Variants in TET3 observed in about 807,000 individuals in gnomAD.
TET3 encodes the protein methylcytosine dioxygenase TET3.
A neutral mutation model predicts 141.4 loss-of-function variants in TET3; 19 were observed. That is an observed-to-expected ratio of 0.13 (90% CI 0.09 to 0.20). The LOEUF (loss-of-function observed/expected upper bound fraction) is 0.20, where lower values mean the gene tolerates loss of function less well. TET3 is among the 10% of genes least tolerant of loss of function. The pLI is 1.00. For synonymous variants in TET3, 1,043 were observed against 980.9 expected (o/e 1.06, Z -1.18); for missense variants, 1,874 against 2,356.9 (o/e 0.80, Z 4.24).
chr2:74,073,537 G>A lies in TET3; in HGVS notation c.2495-12G>A. 2 of 1,588,966 alleles carry A rather than the reference G, an allele frequency of 1.3e-6. No individual in the cohort carries two copies. Among genetic ancestry groups the A allele is most frequent in the Middle Eastern group, 1.7e-4 (1 of 6,014 alleles). On this transcript the variant is annotated splice_polypyrimidine_tract_variant and intron_variant, in intron 4 of 11. Transcript: ENST00000409262. ...GATATTCCAAAAATGTTTACTCTCT[G>A]TGTTTCTGCAGAACAAATAGTGGAG...
intron 3 of TET3, among the ~76,000 whole-genome samples, chr2:74,032,481 G>GCGCGCGCGCGCGCGA: frequency 6.6e-6 from 1 of 150,596 alleles, no homozygotes; most frequent in African/African-American, 2.4e-5. Context: ...GTGTGTGTGT[G>GCGCGCGCGCGCGCGA]TGTGTGTGTG....
intron 3 of TET3, among the ~76,000 whole-genome samples, chr2:74,040,795 G>A (rs1257127715): frequency 6.6e-6 from 1 of 152,184 alleles, no homozygotes; most frequent in Non-Finnish European, 1.5e-5. Flanking sequence ...TGTGGTCCCA[G>A]CTACTTGGGA....
intron 4 of TET3, 48 bp from the exon 5 acceptor site, chr2:74,073,501 A>G (rs368254670): frequency 6.2e-5 from 88 of 1,419,808 alleles, no homozygotes; most frequent in Non-Finnish European, 7.4e-5. Context: ...CTAAATTAAT[A>G]TTGACTAATT....
chr2:74,054,407 G>A (rs1337947949), intron 4 of TET3, among the ~76,000 whole-genome samples: 2 of 152,208 alleles, frequency 1.3e-5, no homozygotes, highest in African/African-American at 4.8e-5. Flanking sequence ...GAGGTTTCAG[G>A]CTGGGCGACT....
chr2:74,046,919 A>G lies in TET3; in HGVS notation c.1002A>G (p.Gln334=), dbSNP rs772930056. The G allele has an allele frequency of 1.9e-6, 3 of 1,613,896 alleles. No homozygotes were observed. Among genetic ancestry groups the G allele is most frequent in the Admixed American group, 1.7e-5 (1 of 60,026 alleles). Residue 334 remains glutamine (Q), a synonymous_variant, in exon 4 of 12, where the codon CAA becomes CAG. Transcript: ENST00000409262. The surrounding 1 kb of genome is among the most constrained non-coding windows in gnomAD (Gnocchi z 4.3). ...LSSEVPQISP[Q]EGLPLSQSAL... ...CAGAGGTGCCCCAGATCTCTCCCCA[A>G]GAGGGCCTGCCCCTGTCCCAGAGTG...
chr2:74,010,719 C>A (rs1403856518), intron 3 of TET3, among the ~76,000 whole-genome samples: 1 of 152,202 alleles, frequency 6.6e-6, no homozygotes, highest in Non-Finnish European at 1.5e-5. Context: ...CCCTGCCTCT[C>A]CCATGTCCCT....
chr2:74,006,135 C>T (rs1393336243), intron 3 of TET3, among the ~76,000 whole-genome samples: 1 of 152,214 alleles, frequency 6.6e-6, no homozygotes, highest in Non-Finnish European at 1.5e-5. Context: ...ACTTTCTATA[C>T]ACTCTGGGTC....
At position 74,107,085 on chromosome 2, in the gene TET3, A is replaced by T. The variant is rs1457565066; in HGVS notation, c.*4909A>T. On this transcript the variant is annotated 3_prime_UTR_variant, in exon 12 of 12. Transcript: ENST00000409262. ...TCTGCTGTAGTACATGGCCAACTTC[A>T]ACATACCCTGGACCAAAACATTTTT... 3 of 152,236 alleles carry T rather than the reference A, an allele frequency of 2.0e-5. No individual in the cohort carries two copies. The highest frequency in any genetic ancestry group is 6.5e-5 in the Admixed American group (1 of 15,286). The allele number at this position is 152,236 out of a possible 1,614,324, so 9.4% of individuals were successfully genotyped here.
At chr2:74,030,974 A>G (rs1447603334) in intron 3 of TET3, among the ~76,000 whole-genome samples, 2 of 152,048 alleles carry the variant, frequency 1.3e-5, no homozygotes, top group Admixed American at 6.5e-5. Context: ...TTTTTTGTAA[A>G]GGGATGTCCG....
chr2:74,004,960 CAG>C (rs1685076061), intron 3 of TET3, among the ~76,000 whole-genome samples: 1 of 152,154 alleles, frequency 6.6e-6, no homozygotes, highest in South Asian at 2.1e-4. Context: ...CAGATGGACT[CAG>C]GGAGGGGGCA....
chr2:74,080,664 G>T, intron 6 of TET3, 73 bp downstream of exon 6: 1 of 1,116,736 alleles, frequency 9.0e-7, no homozygotes, highest in Non-Finnish European at 1.2e-6. Flanking sequence ...GCTGTGCCTG[G>T]TTCCCCTTGC....
the TET3 span, among the ~76,000 whole-genome samples, chr2:74,120,450 G>C: frequency 4.6e-5 from 7 of 152,230 alleles, no homozygotes; most frequent in Non-Finnish European, 1.0e-4. Context: ...CACCTACCCG[G>C]GGGGAACGTG....
At chr2:74,080,631 G>T in intron 6 of TET3, 40 bp downstream of exon 6, 1 of 1,559,124 alleles carries the variant, frequency 6.4e-7, no homozygotes, top group Middle Eastern at 1.7e-4. Flanking sequence ...GCTGTGCCTG[G>T]TTCCCCTTGC....
chr2:74,101,651 G>A lies in TET3; in HGVS notation c.4863G>A (p.Ala1621=), dbSNP rs117784533. 431 of 1,613,684 alleles carry A rather than the reference G, an allele frequency of 2.7e-4. 5 individuals are homozygous for A. The East Asian group carries it at 8.4e-3, about 32-fold the overall frequency. ...CTGAGGAGCCCCCCAGCAAGGGAGC[G>A]GTGAAGGAGGAGAAGGGCGGTGGTG... The part of the protein sequence containing the change: ...GPAEEPPSKG[A]VKEEKGGGGA... Residue 1621 remains alanine, a synonymous_variant, in exon 12 of 12, where the codon GCG becomes GCA. Coordinates refer to ENST00000409262, the MANE Select transcript of TET3 (RefSeq NM_001287491.2). The surrounding 1 kb of genome is among the most constrained non-coding windows in gnomAD (Gnocchi z 8.5).
the TET3 span, among the ~76,000 whole-genome samples, chr2:74,117,747 A>G: frequency 7.1e-6 from 1 of 140,790 alleles, no homozygotes; most frequent in Non-Finnish European, 1.5e-5. Context: ...CACAAAATCT[A>G]TTATATATAT....
Position 74,103,975 on chromosome 2 carries a change from GAGTA to G in TET3, c.*1802_*1805del, listed in dbSNP as rs145028566. The stretch of plus-strand genomic sequence containing the variant: ...AAGTTCCTGAGCTTCCGGGTGCCTT[GAGTA>G]AGAGCTGAGAACCGGCCTGCTGGGT... On this transcript the variant is annotated 3_prime_UTR_variant, in exon 12 of 12. Transcript: ENST00000409262. 0.011 allele frequency: 1,661 copies of G among 153,858 alleles called. 32 individuals are homozygous for G. Among genetic ancestry groups the G allele is most frequent in the Non-Finnish European group, 0.013 (854 of 68,052 alleles). The allele number at this position is 153,858 out of a possible 1,614,324, so 9.5% of individuals were successfully genotyped here. A position where few individuals can be genotyped will look rare whatever the true frequency, so the allele number is the denominator to read the frequency against.
chr2:74,134,702 G>A, the TET3 span: 1 of 456,530 alleles, frequency 2.2e-6, no homozygotes. Flanking sequence ...GAAAACTGGC[G>A]AGCCAGCTGC....
chr2:74,035,720 C>A (rs552981568), intron 3 of TET3, among the ~76,000 whole-genome samples: 55 of 152,002 alleles, frequency 3.6e-4, no homozygotes, highest in African/African-American at 1.3e-3. Context: ...GAGTGAGACT[C>A]TGTTTCAAAA....
the TET3 span, among the ~76,000 whole-genome samples, chr2:74,119,810 T>C: frequency 1.3e-5 from 2 of 152,212 alleles, no homozygotes; most frequent in Non-Finnish European, 2.9e-5. Flanking sequence ...TTCTACTGTT[T>C]TGAAAAAGCA....
Sources: allele counts gnomAD v4.1 joint callset (sites outside exome capture counted in the v4.1 genomes callset), GRCh38; gene constraint gnomAD v4.1.1; non-coding constraint Gnocchi (gnomAD v3.1); transcripts MANE v1.5; gene names NCBI Gene and HGNC (gene_info 2026-07-23, HGNC 2026-07-21).